The following ZNF385D variants were observed in gnomAD, a reference collection of about 807,000 sequenced individuals.
ZNF385D encodes zinc finger protein 385D.
A neutral mutation model predicts 35.8 loss-of-function variants in ZNF385D; 15 were observed. The observed-to-expected ratio is 0.42, with a 90% CI of 0.28 to 0.64. ZNF385D has a LOEUF of 0.64. Ranked by LOEUF, ZNF385D falls within the 30% of genes least tolerant of loss-of-function variation. The pLI is 0.23. For missense variants in ZNF385D, 474 were observed against 494.6 expected (o/e 0.96, Z 0.39); for synonymous variants, 212 against 186.8 (o/e 1.13, Z -1.10).
chr3:21,856,388 G>A lies in ZNF385D; in HGVS notation c.326-191360C>T, dbSNP rs373209466. On this transcript the variant is annotated intron_variant, in intron 3 of 5. Transcript: ENST00000494108. The stretch of plus-strand genomic sequence containing the variant: ...TAAATAACATTCCTAATATTTTCTC[G>A]TCTTTCTGAACCCCTTCTCTCAACT... 5.9e-5 allele frequency among the ~76,000 whole-genome samples: 9 copies of A among 151,926 alleles called. No homozygotes were observed. In the East Asian group the frequency reaches 1.4e-3, roughly 23 times the overall value.
At chr3:21,968,498 A>G (rs1198155809) in intron 3 of ZNF385D, among the ~76,000 whole-genome samples, 2 of 149,324 alleles carry the variant, frequency 1.3e-5, no homozygotes, top group African/African-American at 5.0e-5. Flanking sequence ...CAAGTCCTAG[A>G]GCCTCATTCC....
At chr3:21,836,089 G>C (rs997278211) in intron 3 of ZNF385D, among the ~76,000 whole-genome samples, 1 of 151,896 alleles carries the variant, frequency 6.6e-6, no homozygotes, top group Admixed American at 6.6e-5. Context: ...AACTTCTTTT[G>C]CAGAACTTTT....
intron 2 of ZNF385D, among the ~76,000 whole-genome samples, chr3:22,275,808 A>C (rs1474760995): frequency 6.6e-6 from 1 of 152,076 alleles, no homozygotes; most frequent in African/African-American, 2.4e-5. Flanking sequence ...GAACTGGTGG[A>C]GCACAGTGGC....
intron 3 of ZNF385D, among the ~76,000 whole-genome samples, chr3:22,140,895 C>G (rs768591387): frequency 6.6e-6 from 1 of 152,094 alleles, no homozygotes; most frequent in African/African-American, 2.4e-5. Flanking sequence ...CAATACAATA[C>G]CCTACTTTTT....
chr3:22,274,797 TTTA>T (rs1371787777), intron 2 of ZNF385D, among the ~76,000 whole-genome samples: 4 of 150,214 alleles, frequency 2.7e-5, no homozygotes, highest in African/African-American at 1.0e-4. Context: ...TTTTTTTTTT[TTTA>T]AAAGTCTTCT....
At chr3:22,289,513 A>C (rs1702190028) in intron 2 of ZNF385D, among the ~76,000 whole-genome samples, 1 of 152,122 alleles carries the variant, frequency 6.6e-6, no homozygotes. Flanking sequence ...GCTAGATAGG[A>C]GCTCAATCCT....
chr3:21,932,005 A>C (rs1437823198), intron 3 of ZNF385D, among the ~76,000 whole-genome samples: 1 of 151,816 alleles, frequency 6.6e-6, no homozygotes, highest in African/African-American at 2.4e-5. Context: ...GTCTCTACTA[A>C]AAATACAAAA....
chr3:21,581,506 G>A (rs2063662579), intron 2 of ZNF385D, among the ~76,000 whole-genome samples: 1 of 152,106 alleles, frequency 6.6e-6, no homozygotes, highest in South Asian at 2.1e-4. Context: ...CTTAAAACAA[G>A]TGCCTGATGA....
chr3:22,297,679 C>T (rs1310769915), intron 2 of ZNF385D, among the ~76,000 whole-genome samples: 5 of 151,936 alleles, frequency 3.3e-5, no homozygotes, highest in Non-Finnish European at 5.9e-5. Flanking sequence ...CTCTTTGAAA[C>T]AGCATAATAA....
intron 3 of ZNF385D, among the ~76,000 whole-genome samples, chr3:22,140,860 CATT>C (rs1427043961): frequency 6.6e-6 from 1 of 152,144 alleles, no homozygotes; most frequent in East Asian, 1.9e-4. Flanking sequence ...TAATTAGTTC[CATT>C]ATTATCAGAA....
intron 7 of ZNF385D, among the ~76,000 whole-genome samples, chr3:21,422,326 T>C (rs554788690): frequency 6.6e-6 from 1 of 152,308 alleles, no homozygotes; most frequent in Non-Finnish European, 1.5e-5. Context: ...GCAGCTAAAA[T>C]TGTGTCTTTA....
intron 3 of ZNF385D, among the ~76,000 whole-genome samples, chr3:21,860,080 A>G (rs1414096445): frequency 6.6e-6 from 1 of 152,072 alleles, no homozygotes; most frequent in East Asian, 1.9e-4. Flanking sequence ...TTTAGGGTTA[A>G]AAAAGTACAA....
intron 2 of ZNF385D, among the ~76,000 whole-genome samples, chr3:21,655,104 G>A (rs78510770): frequency 1.3e-4 from 19 of 151,612 alleles, no homozygotes; most frequent in African/African-American, 4.4e-4. Flanking sequence ...CCTTGGGGAA[G>A]TGCAAAAAAC....
intron 3 of ZNF385D, among the ~76,000 whole-genome samples, chr3:21,996,789 T>C (rs915088710): frequency 1.3e-5 from 2 of 152,240 alleles, no homozygotes; most frequent in African/African-American, 4.8e-5. Context: ...GTTATGAAGA[T>C]GTCTATTCCA....
At chr3:22,122,470 T>C (rs1423324969) in intron 3 of ZNF385D, among the ~76,000 whole-genome samples, 3 of 152,164 alleles carry the variant, frequency 2.0e-5, no homozygotes, top group Admixed American at 6.6e-5. Flanking sequence ...AATGTATGTA[T>C]TGACTCTAAT....
chr3:22,214,585 C>A (rs1430580704), intron 2 of ZNF385D, among the ~76,000 whole-genome samples: 1 of 151,966 alleles, frequency 6.6e-6, no homozygotes, highest in African/African-American at 2.4e-5. Flanking sequence ...GGAATGCGTC[C>A]CTGAAGGTAG....
intron 3 of ZNF385D, among the ~76,000 whole-genome samples, chr3:22,130,152 T>A (rs915029271): frequency 2.6e-5 from 4 of 152,138 alleles, no homozygotes; most frequent in African/African-American, 9.7e-5. Context: ...AGGACTCTGC[T>A]TGCTGCTTCA....
intron 2 of ZNF385D, among the ~76,000 whole-genome samples, chr3:22,181,210 G>A (rs931805061): frequency 4.6e-5 from 7 of 151,894 alleles, no homozygotes; most frequent in African/African-American, 1.2e-4. Flanking sequence ...AGATACTAAC[G>A]ATTCAGGATA....
At chr3:22,110,449 T>G (rs1378727620) in intron 3 of ZNF385D, among the ~76,000 whole-genome samples, 1 of 152,100 alleles carries the variant, frequency 6.6e-6, no homozygotes, top group Non-Finnish European at 1.5e-5. Flanking sequence ...CATGGAATAC[T>G]ATGCAGCCAT....
Sources: allele counts gnomAD v4.1 joint callset (sites outside exome capture counted in the v4.1 genomes callset), GRCh38; gene constraint gnomAD v4.1.1; transcripts MANE v1.5; gene names NCBI Gene and HGNC (gene_info 2026-07-23, HGNC 2026-07-21).